Variants in SPOCK3 observed in about 807,000 individuals in gnomAD.
The protein encoded by SPOCK3 is SPARC (osteonectin), cwcv and kazal like domains proteoglycan 3.
A neutral mutation model predicts 56.6 loss-of-function variants in SPOCK3; 30 were observed. The ratio of observed to expected loss-of-function variants is 0.53; its 90% CI spans 0.40 to 0.72. The LOEUF is 0.72. Ranked by LOEUF, SPOCK3 falls within the 30% of genes least tolerant of loss-of-function variation. The pLI is 0.00. For synonymous variants in SPOCK3, 196 were observed against 183.3 expected, an observed-to-expected ratio of 1.07 and a Z score of -0.56; for missense variants, 527 against 530.0, an observed-to-expected ratio of 0.99 and a Z score of 0.06.
At chr4:167,182,682 C>T (rs936206032) in intron 2 of SPOCK3, among the ~76,000 whole-genome samples, 32 of 151,666 alleles carry the variant, frequency 2.1e-4, no homozygotes, top group African/African-American at 6.3e-4. Context: ...TAGGATGGCC[C>T]GCGCGCCACT....
intron 3 of SPOCK3, among the ~76,000 whole-genome samples, chr4:167,044,307 T>C (rs1172527083): frequency 6.6e-6 from 1 of 152,046 alleles, no homozygotes; most frequent in Non-Finnish European, 1.5e-5. Flanking sequence ...TCACTTCTGA[T>C]AATAGTAATT....
intron 4 of SPOCK3, among the ~76,000 whole-genome samples, chr4:166,957,998 AT>A (rs1743685608): frequency 1.3e-5 from 2 of 152,080 alleles, no homozygotes; most frequent in South Asian, 4.1e-4. Flanking sequence ...AGGACATGAG[AT>A]TTGGGAGAGG....
intron 2 of SPOCK3, among the ~76,000 whole-genome samples, chr4:167,069,977 T>C (rs1391849119): frequency 6.6e-6 from 1 of 151,974 alleles, no homozygotes; most frequent in East Asian, 1.9e-4. Context: ...TTATTCTGAA[T>C]CCAAACTTAC....
At chr4:166,843,785 C>T (rs1747767419) in intron 6 of SPOCK3, among the ~76,000 whole-genome samples, 1 of 152,184 alleles carries the variant, frequency 6.6e-6, no homozygotes, top group South Asian at 2.1e-4. Flanking sequence ...ATACATGTCT[C>T]TCTCTCTAGT....
At chr4:167,005,070 A>G (rs1036283666) in intron 3 of SPOCK3, among the ~76,000 whole-genome samples, 1 of 152,290 alleles carries the variant, frequency 6.6e-6, no homozygotes, top group African/African-American at 2.4e-5. Flanking sequence ...AAGTAAAAAG[A>G]TGGAAAACTT....
At chr4:167,190,630 T>C (rs968732803) in intron 2 of SPOCK3, among the ~76,000 whole-genome samples, 1 of 145,852 alleles carries the variant, frequency 6.9e-6, no homozygotes, top group African/African-American at 2.6e-5. Context: ...GTCTCACTTG[T>C]TTATTTTTGC....
At chr4:166,753,580 G>C (rs796980322) in intron 8 of SPOCK3, among the ~76,000 whole-genome samples, 2 of 151,978 alleles carry the variant, frequency 1.3e-5, no homozygotes, top group African/African-American at 4.8e-5. Context: ...AAAAGTTATT[G>C]AGATAATAAA....
At chr4:167,200,337 A>T (rs1733397321) in intron 2 of SPOCK3, among the ~76,000 whole-genome samples, 4 of 152,076 alleles carry the variant, frequency 2.6e-5, no homozygotes, top group African/African-American at 9.7e-5. Context: ...TATTTCACTG[A>T]CACAGGTACA....
At position 167,109,490 on chromosome 4, in the gene SPOCK3, ATT is replaced by A. The variant is rs200765561; in HGVS notation, c.190-46955_190-46954del. 2.6e-5 allele frequency among the ~76,000 whole-genome samples: 3 copies of A among 114,486 alleles called. No individual in the cohort carries two copies. In the South Asian group the frequency reaches 7.1e-4, roughly 27 times the overall value. The allele number at this position is 114,486 out of a possible 152,430, so 75.1% of individuals were successfully genotyped here. ...GTTATAATATATTTATATAAAATAT[ATT>A]TATATATTTTATATAAAATATAATA... On this transcript the variant is annotated intron_variant, in intron 2 of 10. Transcript: ENST00000357545.
At chr4:167,016,902 C>T (rs536475742) in intron 3 of SPOCK3, among the ~76,000 whole-genome samples, 78 of 152,180 alleles carry the variant, frequency 5.1e-4, no homozygotes, top group African/African-American at 1.8e-3. Flanking sequence ...CTAACTACAC[C>T]ATTGCTGTCC....
chr4:167,141,025 C>T (rs1223618302), intron 2 of SPOCK3, among the ~76,000 whole-genome samples: 1 of 151,874 alleles, frequency 6.6e-6, no homozygotes. Flanking sequence ...AGGAAAAATT[C>T]TCTTGGCCCC....
chr4:167,003,716 C>T (rs1749177620), intron 3 of SPOCK3, among the ~76,000 whole-genome samples: 3 of 152,196 alleles, frequency 2.0e-5, no homozygotes, highest in African/African-American at 7.2e-5. Flanking sequence ...CTTCACTTGG[C>T]TATATTCTTT....
At chr4:166,784,836 T>G (rs1560854066) in intron 7 of SPOCK3, among the ~76,000 whole-genome samples, 2 of 152,198 alleles carry the variant, frequency 1.3e-5, no homozygotes, top group Middle Eastern at 3.4e-3. Context: ...ATATAAGACA[T>G]TATCTTAATC....
At chr4:166,856,432 T>C (rs533365891) in intron 6 of SPOCK3, among the ~76,000 whole-genome samples, 1 of 152,272 alleles carries the variant, frequency 6.6e-6, no homozygotes, top group Non-Finnish European at 1.5e-5. Flanking sequence ...ACATCATATT[T>C]TACCCCATAA....
chr4:166,895,231 T>G (rs536212467), intron 5 of SPOCK3, among the ~76,000 whole-genome samples: 188 of 152,138 alleles, frequency 1.2e-3, no homozygotes, highest in African/African-American at 4.4e-3. Context: ...TTAACTTACA[T>G]TTTTTATTAT....
intron 2 of SPOCK3, among the ~76,000 whole-genome samples, chr4:167,212,885 T>A (rs1034405752): frequency 6.6e-6 from 1 of 152,236 alleles, no homozygotes; most frequent in East Asian, 1.9e-4. Context: ...TTTAGAAAAT[T>A]AGAGTGATTT....
At chr4:167,159,222 T>A (rs1363157912) in intron 2 of SPOCK3, among the ~76,000 whole-genome samples, 1 of 152,034 alleles carries the variant, frequency 6.6e-6, no homozygotes, top group Non-Finnish European at 1.5e-5. Flanking sequence ...AAATGTCTTT[T>A]TAACATTTAT....
At chr4:167,123,240 T>C (rs1178458002) in intron 2 of SPOCK3, among the ~76,000 whole-genome samples, 2 of 152,136 alleles carry the variant, frequency 1.3e-5, no homozygotes, top group Non-Finnish European at 2.9e-5. Context: ...TAAATGATTT[T>C]TATATATGAA....
At chr4:166,857,897 CTT>C (rs1560939920) in intron 6 of SPOCK3, among the ~76,000 whole-genome samples, 1 of 152,124 alleles carries the variant, frequency 6.6e-6, no homozygotes, top group East Asian at 1.9e-4. Flanking sequence ...TTGTATTCTC[CTT>C]TTCTATGTAT....
Sources: gnomAD v4.1 joint callset for allele counts (sites outside exome capture counted in the v4.1 genomes callset) on GRCh38, gnomAD v4.1.1 for gene constraint, MANE v1.5 for transcripts, NCBI Gene and HGNC (gene_info 2026-07-23, HGNC 2026-07-21) for gene names.